Variants in CDH4 observed in about 807,000 individuals in gnomAD.
CDH4 encodes the protein cadherin-4.
In CDH4, 33 loss-of-function variants were observed where a neutral mutation model predicts 86.0. That is an observed-to-expected ratio of 0.38 (90% CI 0.29 to 0.51). CDH4 has a LOEUF of 0.51. Ranked by LOEUF, CDH4 falls within the 20% of genes least tolerant of loss-of-function variation. The probability of loss-of-function intolerance (pLI) is 0.86; values close to 1 mark genes in which losing one functional copy is unlikely to be tolerated. For missense variants in CDH4, 1,114 were observed against 1,307.4 expected (o/e 0.85, Z 2.28); for synonymous variants, 555 against 549.4 (o/e 1.01, Z -0.14).
rs1254656702 is a variant in CDH4 at position 61,504,007 on chromosome 20, G to A, written c.170-239556G>A. Reference sequence around the variant, plus strand: ...GGTTTTCTATAGGGGCCAGAGATACGCCCCCATCCCACTCGCCATCCCTAG... The same window carrying A: ...GGTTTTCTATAGGGGCCAGAGATACACCCCCATCCCACTCGCCATCCCTAG... On this transcript the variant is annotated intron_variant, in intron 2 of 15. Transcript: ENST00000614565. Among the ~76,000 whole-genome samples the A allele has an allele frequency of 3.9e-5, 6 of 152,286 alleles. No homozygotes were observed. The East Asian group carries it at 1.2e-3, about 29-fold the overall frequency.
intron 2 of CDH4, among the ~76,000 whole-genome samples, chr20:61,527,682 T>G (rs553637077): frequency 6.6e-6 from 1 of 152,208 alleles, no homozygotes; most frequent in Non-Finnish European, 1.5e-5. Context: ...CGTGCTGTTT[T>G]ATATGTTTCT....
In CDH4 at chr20:61,937,218, T is replaced by TAAAAAAAAAAAAAAAAA. The variant is rs11476350; in HGVS notation, c.*278_*294dup. The TAAAAAAAAAAAAAAAAA allele has an allele frequency of 9.7e-6, 1 of 103,156 alleles. No homozygotes were observed. The highest frequency in any genetic ancestry group is 4.2e-5 in the African/African-American group (1 of 23,928). 6.4% of individuals were successfully genotyped at this position (103,156 alleles called of 1,614,324 possible). A position where few individuals can be genotyped will look rare whatever the true frequency, so the allele number is the denominator to read the frequency against. ...TTTCCTAGAACAGAAGCACTGTTTT[T>TAAAAAAAAAAAAAAAAA]AAAAAAAAAAAAAAAAAAAGAAGAA... On this transcript the variant is annotated 3_prime_UTR_variant, in exon 16 of 16. Coordinates refer to ENST00000614565, the MANE Select transcript of CDH4 (RefSeq NM_001794.5).
chr20:61,651,697 A>G (rs1243351711), intron 2 of CDH4, among the ~76,000 whole-genome samples: 4 of 152,178 alleles, frequency 2.6e-5, no homozygotes, highest in Non-Finnish European at 5.9e-5. Context: ...CCTCTCCTCC[A>G]AATTTAATAA....
Position 61,924,318 on chromosome 20 carries a change from CT to C in CDH4, c.1629-14del. On this transcript the variant is annotated splice_polypyrimidine_tract_variant and intron_variant, in intron 10 of 15. Coordinates refer to ENST00000614565, the MANE Select transcript of CDH4 (RefSeq NM_001794.5). ...ACCCCCAGCCTTACCTCCCCCTGCA[CT>C]TGTGGTCTCCGCAGATACTCAAAGC... 4 of 1,608,984 alleles carry C rather than the reference CT, an allele frequency of 2.5e-6. No individual in the cohort carries two copies. In the Admixed American group the frequency reaches 5.0e-5, roughly 20 times the overall value.
chr20:61,279,665 G>A (rs2084248242), intron 2 of CDH4, among the ~76,000 whole-genome samples: 1 of 152,164 alleles, frequency 6.6e-6, no homozygotes, highest in South Asian at 2.1e-4. Context: ...AAAGCGCAGA[G>A]GACATTGTTT....
chr20:61,731,828 C>A (rs917423841), intron 2 of CDH4, among the ~76,000 whole-genome samples: 1 of 152,156 alleles, frequency 6.6e-6, no homozygotes, highest in Non-Finnish European at 1.5e-5. Flanking sequence ...CCGACTGTCA[C>A]CCCCACGAGG....
intron 2 of CDH4, among the ~76,000 whole-genome samples, chr20:61,372,400 C>T (rs976723133): frequency 6.6e-5 from 10 of 152,236 alleles, no homozygotes; most frequent in African/African-American, 1.9e-4. Context: ...CCTCCTTCTC[C>T]GTGCAGCACC....
intron 2 of CDH4, among the ~76,000 whole-genome samples, chr20:61,686,496 CGTGTGTGTATAT>C (rs1332322876): frequency 7.1e-6 from 1 of 140,770 alleles, no homozygotes. Flanking sequence ...TGTGCATTCG[CGTGTGTGTATAT>C]GTGTGTGCAT....
Position 61,731,834 on chromosome 20 carries a change from C to T in CDH4, c.170-11729C>T, listed in dbSNP as rs1024652856. Among the ~76,000 whole-genome samples, 14 of 152,298 alleles carry T rather than the reference C, an allele frequency of 9.2e-5. No homozygotes were observed. In the East Asian group the frequency reaches 2.3e-3, roughly 25 times the overall value. On this transcript the variant is annotated intron_variant, in intron 2 of 15. Transcript: ENST00000614565. ...TTCCTCCACCCGACTGTCACCCCCA[C>T]GAGGACTCGGGGGCTGCACAGCCTG...
At chr20:61,386,800 CAG>C (rs1178014795) in intron 2 of CDH4, among the ~76,000 whole-genome samples, 3 of 152,348 alleles carry the variant, frequency 2.0e-5, no homozygotes, top group South Asian at 2.1e-4. Flanking sequence ...CTTCAGGAAA[CAG>C]AGAGAGGTGA....
intron 2 of CDH4, among the ~76,000 whole-genome samples, chr20:61,420,265 G>A (rs1033305959): frequency 6.6e-6 from 1 of 152,186 alleles, no homozygotes; most frequent in African/African-American, 2.4e-5. Flanking sequence ...GAGAGGGAGC[G>A]GGTCAGCACC....
intron 2 of CDH4, among the ~76,000 whole-genome samples, chr20:61,387,291 C>T (rs887408513): frequency 1.3e-4 from 20 of 151,904 alleles, no homozygotes; most frequent in Non-Finnish European, 2.5e-4. Flanking sequence ...CACACAGCCA[C>T]ACAAACATAC....
At chr20:61,650,039 A>G (rs1166843510) in intron 2 of CDH4, among the ~76,000 whole-genome samples, 2 of 152,142 alleles carry the variant, frequency 1.3e-5, no homozygotes, top group Non-Finnish European at 2.9e-5. Context: ...TCCTGGGCAC[A>G]TTTCCTAAAT....
At chr20:61,659,414 G>T (rs1171679249) in intron 2 of CDH4, among the ~76,000 whole-genome samples, 1 of 152,258 alleles carries the variant, frequency 6.6e-6, no homozygotes, top group Non-Finnish European at 1.5e-5. Context: ...GAAGAGAGGG[G>T]CTGCGCTGCC....
rs569253356 is a variant in CDH4 at position 61,518,064 on chromosome 20, C to T, written c.170-225499C>T. 3.3e-5 allele frequency among the ~76,000 whole-genome samples: 5 copies of T among 152,324 alleles called. No homozygotes were observed. In the South Asian group the frequency reaches 6.2e-4, roughly 19 times the overall value. ...ATCCCTTTTCAGGCGCTATTTTCCC[C>T]ATGCAGATAAGGCCCTCAGTTTTCT... On this transcript the variant is annotated intron_variant, in intron 2 of 15. Transcript: ENST00000614565. The surrounding 1 kb of genome is among the most constrained non-coding windows in gnomAD (Gnocchi z 6.3).
At chr20:61,677,232 C>G (rs572862374) in intron 2 of CDH4, among the ~76,000 whole-genome samples, 1 of 152,134 alleles carries the variant, frequency 6.6e-6, no homozygotes, top group African/African-American at 2.4e-5. Flanking sequence ...GTGATATCTG[C>G]GAGCAGGGCA....
At chr20:61,607,788 G>C (rs1600802902) in intron 2 of CDH4, among the ~76,000 whole-genome samples, 1 of 152,208 alleles carries the variant, frequency 6.6e-6, no homozygotes, top group Non-Finnish European at 1.5e-5. Context: ...CCTTGGGAAG[G>C]TTTCTGCAGG....
chr20:61,451,129 C>CCCCT lies in CDH4; in HGVS notation c.169+196194_169+196195insCTCC, dbSNP rs1555851644. Among the ~76,000 whole-genome samples, 808 of 149,714 alleles carry CCCCT rather than the reference C, an allele frequency of 5.4e-3. 9 individuals are homozygous for CCCCT. The highest frequency in any genetic ancestry group is 0.017 in the African/African-American group (693 of 40,318). On this transcript the variant is annotated intron_variant, in intron 2 of 15. Coordinates refer to ENST00000614565, the MANE Select transcript of CDH4 (RefSeq NM_001794.5). Reference sequence around the variant, plus strand: ...TTTTTCCCTCCCTCTCACGCCCCCCCCCTTCCCTCCGTGTCATCCTGCCAC... The same window carrying CCCCT: ...TTTTTCCCTCCCTCTCACGCCCCCCCCCCTCCTTCCCTCCGTGTCATCCTGCCAC...
intron 4 of CDH4, among the ~76,000 whole-genome samples, chr20:61,794,304 G>A (rs956324704): frequency 8.5e-5 from 13 of 152,270 alleles, no homozygotes; most frequent in East Asian, 3.9e-4. Flanking sequence ...CAATGAAGGG[G>A]AGGCAGGCCA....
Sources: allele counts gnomAD v4.1 joint callset (sites outside exome capture counted in the v4.1 genomes callset), GRCh38; gene constraint gnomAD v4.1.1; non-coding constraint Gnocchi (gnomAD v3.1); transcripts MANE v1.5; gene names NCBI Gene and HGNC (gene_info 2026-07-23, HGNC 2026-07-21).